HPCAL1: variants seen among roughly 807,000 people sequenced by gnomAD.
HPCAL1 encodes hippocalcin-like protein 1.
Under a neutral mutation model 17.1 loss-of-function variants are expected in HPCAL1, and 8 were observed. That is an observed-to-expected ratio of 0.47 (90% CI 0.27 to 0.84). The LOEUF (loss-of-function observed/expected upper bound fraction) is 0.84, where lower values mean the gene tolerates loss of function less well. Ranked by LOEUF, HPCAL1 falls within the 40% of genes least tolerant of loss-of-function variation. The probability of loss-of-function intolerance (pLI) is 0.13; values close to 1 mark genes in which losing one functional copy is unlikely to be tolerated. For missense variants in HPCAL1, 165 were observed against 271.1 expected, an observed-to-expected ratio of 0.61 and a Z score of 2.75; for synonymous variants, 112 against 111.4, an observed-to-expected ratio of 1.01 and a Z score of -0.03.
At chr2:10,400,195 G>A (rs1167397752) in intron 2 of HPCAL1, among the ~76,000 whole-genome samples, 1 of 152,162 alleles carries the variant, frequency 6.6e-6, no homozygotes, top group Non-Finnish European at 1.5e-5. Context: ...AGGAGGGGGC[G>A]AGCAGGCGGC....
chr2:10,399,332 C>CACT (rs1669335629), intron 2 of HPCAL1, among the ~76,000 whole-genome samples: 1 of 120,454 alleles, frequency 8.3e-6, no homozygotes, highest in Non-Finnish European at 1.8e-5. Flanking sequence ...CCATCACCAC[C>CACT]ACCACCACCA....
chr2:10,370,211 G>A (rs1040606951), intron 1 of HPCAL1, among the ~76,000 whole-genome samples: 3 of 152,108 alleles, frequency 2.0e-5, no homozygotes, highest in African/African-American at 7.2e-5. Context: ...TCCCCAAATC[G>A]CCTCTGCTTT....
At chr2:10,368,235 A>ATGTG (rs56867598) in intron 1 of HPCAL1, among the ~76,000 whole-genome samples, 6 of 142,042 alleles carry the variant, frequency 4.2e-5, no homozygotes, top group Admixed American at 2.8e-4. Flanking sequence ...ACACATATGC[A>ATGTG]TGTGTGTGTG....
intron 1 of HPCAL1, among the ~76,000 whole-genome samples, chr2:10,312,038 GTCA>G (rs1290715073): frequency 5.5e-5 from 8 of 145,206 alleles, no homozygotes; most frequent in Non-Finnish European, 1.2e-4. Flanking sequence ...CATCATCACT[GTCA>G]TCATCATCGT....
chr2:10,364,625 C>A (rs1361144553), intron 1 of HPCAL1, among the ~76,000 whole-genome samples: 2 of 151,678 alleles, frequency 1.3e-5, no homozygotes, highest in African/African-American at 2.4e-5. Flanking sequence ...CACTCTGTCA[C>A]CCAGGCTGGA....
intron 4 of HPCAL1, 147 bp downstream of exon 4, chr2:10,423,235 G>A (rs1441241359): frequency 3.0e-6 from 2 of 659,192 alleles, no homozygotes; most frequent in Non-Finnish European, 5.6e-6. Context: ...CCATGCCCAG[G>A]GAAGAGCGGG....
intron 1 of HPCAL1, among the ~76,000 whole-genome samples, chr2:10,326,199 C>T (rs1033238847): frequency 5.3e-5 from 8 of 152,294 alleles, no homozygotes; most frequent in African/African-American, 1.4e-4. Context: ...GGGTGGTAAA[C>T]GTTCGTTAAC....
chr2:10,372,953 C>G (rs73914064), intron 1 of HPCAL1, among the ~76,000 whole-genome samples: 1,545 of 152,342 alleles, frequency 0.01, 38 homozygotes, highest in African/African-American at 0.035. Flanking sequence ...CCTCCTGCCC[C>G]CAGAAGGAGG....
chr2:10,378,062 T>C (rs1290331827), intron 1 of HPCAL1, among the ~76,000 whole-genome samples: 4 of 152,100 alleles, frequency 2.6e-5, no homozygotes, highest in Non-Finnish European at 5.9e-5. Flanking sequence ...GGGATGACAC[T>C]GGCTCTTCTG....
At chr2:10,327,330 T>A (rs1664078024) in intron 1 of HPCAL1, among the ~76,000 whole-genome samples, 1 of 152,198 alleles carries the variant, frequency 6.6e-6, no homozygotes, top group South Asian at 2.1e-4. Flanking sequence ...TCTAGGTAGC[T>A]GTTATGGATG....
intron 1 of HPCAL1, among the ~76,000 whole-genome samples, chr2:10,348,544 G>A (rs1345036973): frequency 2.6e-5 from 4 of 151,726 alleles, no homozygotes; most frequent in South Asian, 2.1e-4. Context: ...TGGGGGGATC[G>A]CTTGAGCCCA....
rs1220713557 is a variant in HPCAL1, at chr2:10,330,137, G to GA, written c.-111+26961dup. The GA allele has an allele frequency of 2.0e-5, 3 of 151,448 alleles. No individual in the cohort carries two copies. Among genetic ancestry groups the GA allele is most frequent in the African/African-American group, 7.3e-5 (3 of 40,998 alleles). 9.4% of individuals were successfully genotyped at this position (151,448 alleles called of 1,614,324 possible). The stretch of plus-strand genomic sequence containing the variant: ...TGCACAATTTATGTGGCAAGCTAGA[G>GA]ATGCTTTCTTTTTCAGAGCGGCCTT... On this transcript the variant is annotated intron_variant, in intron 1 of 4. Coordinates refer to ENST00000307845, the MANE Select transcript of HPCAL1 (RefSeq NM_002149.4). This position sits in a 1 kb window ranked among gnomAD's most constrained non-coding sequence, Gnocchi z 4.2.
chr2:10,344,760 T>C lies in HPCAL1; in HGVS notation c.-111+41583T>C, dbSNP rs1403677682. On this transcript the variant is annotated intron_variant, in intron 1 of 4. Coordinates refer to ENST00000307845, the MANE Select transcript of HPCAL1 (RefSeq NM_002149.4). The surrounding 1 kb of genome is among the most constrained non-coding windows in gnomAD (Gnocchi z 4.9). ...ATGTGTCTGTTTCTCTCTCCCTCTT[T>C]CTGTGTGTGTCTCTCTCTGTGCCTG... Among the ~76,000 whole-genome samples the C allele has an allele frequency of 6.6e-6, 1 of 152,182 alleles. No individual in the cohort carries two copies. Among genetic ancestry groups the C allele is most frequent in the East Asian group, 1.9e-4 (1 of 5,198 alleles).
At chr2:10,355,400 G>A (rs1382989235) in intron 1 of HPCAL1, among the ~76,000 whole-genome samples, 1 of 120,138 alleles carries the variant, frequency 8.3e-6, no homozygotes, top group Admixed American at 1.1e-4. Flanking sequence ...GCAGTGAGCC[G>A]AGATCCCGCC....
chr2:10,360,656 G>A (rs370806652), intron 1 of HPCAL1, among the ~76,000 whole-genome samples: 17 of 152,188 alleles, frequency 1.1e-4, no homozygotes, highest in African/African-American at 3.6e-4. Flanking sequence ...CGGGTGATCC[G>A]CCCACCTGGG....
At chr2:10,356,722 G>T (rs1429082426) in intron 1 of HPCAL1, among the ~76,000 whole-genome samples, 1 of 152,148 alleles carries the variant, frequency 6.6e-6, no homozygotes, top group Non-Finnish European at 1.5e-5. Context: ...GAGGTGCTGA[G>T]ATGCTCTCAC....
At chr2:10,386,726 G>T (rs1248850720) in intron 1 of HPCAL1, among the ~76,000 whole-genome samples, 1 of 152,186 alleles carries the variant, frequency 6.6e-6, no homozygotes, top group Admixed American at 6.5e-5. Flanking sequence ...TTGGAGCTTG[G>T]TGGAGGAGAC....
intron 1 of HPCAL1, among the ~76,000 whole-genome samples, chr2:10,353,042 G>A (rs536129715): frequency 6.6e-6 from 1 of 152,344 alleles, no homozygotes; most frequent in East Asian, 1.9e-4. Flanking sequence ...GGTTGACCAG[G>A]TTAGGGTAAG....
chr2:10,357,661 C>T (rs1666247867), intron 1 of HPCAL1, among the ~76,000 whole-genome samples: 1 of 152,204 alleles, frequency 6.6e-6, no homozygotes, highest in Non-Finnish European at 1.5e-5. Context: ...ATCACGACCT[C>T]CCTCCCCATG....
Sources: allele counts gnomAD v4.1 joint callset (sites outside exome capture counted in the v4.1 genomes callset), GRCh38; gene constraint gnomAD v4.1.1; non-coding constraint Gnocchi (gnomAD v3.1); transcripts MANE v1.5; gene names NCBI Gene and HGNC (gene_info 2026-07-23, HGNC 2026-07-21).